TAF4: variants seen among roughly 807,000 people sequenced by gnomAD.
The protein encoded by TAF4 is transcription initiation factor TFIID subunit 4.
TAF4 carries 9 observed loss-of-function variants against 90.3 expected under a neutral mutation model. The observed-to-expected ratio is 0.10, with a 90% CI of 0.06 to 0.17. TAF4 has a LOEUF of 0.17. Among genes scored for constraint, TAF4 ranks in the 10% least tolerant of loss-of-function variants. The pLI is 1.00. For missense variants in TAF4, 1,351 were observed against 1,370.7 expected (o/e 0.99, Z 0.23); for synonymous variants, 818 against 638.9 (o/e 1.28, Z -4.23).
chr20:62,003,701 T>G, intron 8 of TAF4, 30 bp downstream of exon 8: 1 of 1,550,580 alleles, frequency 6.4e-7, no homozygotes, highest in Non-Finnish European at 8.7e-7. Flanking sequence ...CCCTTGGTGT[T>G]GAGCGGCCAG....
chr20:61,997,913 C>A (rs1435491052), intron 13 of TAF4, among the ~76,000 whole-genome samples: 2 of 152,116 alleles, frequency 1.3e-5, no homozygotes, highest in East Asian at 3.8e-4. Context: ...GAGACTAATG[C>A]CCCCCGCAAA....
chr20:62,020,281 G>A (rs978850198), intron 1 of TAF4, among the ~76,000 whole-genome samples: 4 of 152,176 alleles, frequency 2.6e-5, no homozygotes, highest in Non-Finnish European at 5.9e-5. Flanking sequence ...TCTGCCGGTG[G>A]GGGGGCTCTT....
intron 11 of TAF4, 125 bp downstream of exon 11, chr20:61,999,999 C>G: frequency 8.5e-7 from 1 of 1,181,406 alleles, no homozygotes; most frequent in Admixed American, 2.0e-5. Flanking sequence ...AAAACACGTT[C>G]GTAAGGAACA....
intron 1 of TAF4, among the ~76,000 whole-genome samples, chr20:62,050,711 G>A (rs1271629781): frequency 6.6e-6 from 1 of 152,122 alleles, no homozygotes; most frequent in East Asian, 1.9e-4. Context: ...TGATAGGACG[G>A]GCATCTAGGC....
chr20:62,010,130 A>C lies in TAF4; in HGVS notation c.1677T>G (p.Ala559=), dbSNP rs765958968. The part of the protein sequence containing the change: ...QLVLGGAAQT[A]SLGTATAVQT... ...GAACAGCCGTCGCCGTCCCAAGTGA[A>C]GCCGTCTGGGCAGCGCCACCCAGAA... Residue 559 remains alanine, a synonymous_variant, in exon 4 of 15, where the codon GCT becomes GCG. Coordinates refer to ENST00000252996, the MANE Select transcript of TAF4 (RefSeq NM_003185.4). This position sits in a 1 kb window ranked among gnomAD's most constrained non-coding sequence, Gnocchi z 4.5. The C allele has an allele frequency of 6.2e-7, 1 of 1,613,928 alleles. No homozygotes were observed. Among genetic ancestry groups the C allele is most frequent in the South Asian group, 1.1e-5 (1 of 91,078 alleles).
intron 14 of TAF4, among the ~76,000 whole-genome samples, chr20:61,989,843 C>T (rs2055619759): frequency 6.6e-6 from 1 of 152,208 alleles, no homozygotes; most frequent in Admixed American, 6.5e-5. Flanking sequence ...AGCTCTGCTT[C>T]CCAGCAGAGG....
chr20:61,994,545 C>T (rs2123115943), intron 14 of TAF4, among the ~76,000 whole-genome samples: 1 of 152,320 alleles, frequency 6.6e-6, no homozygotes, highest in Non-Finnish European at 1.5e-5. Context: ...TGCCATATTG[C>T]CAAAACTCTA....
chr20:62,041,274 T>A (rs2055962337), intron 1 of TAF4, among the ~76,000 whole-genome samples: 1 of 152,218 alleles, frequency 6.6e-6, no homozygotes, highest in African/African-American at 2.4e-5. Flanking sequence ...TTATTGTATA[T>A]AAATTATGTC....
At chr20:61,983,863 G>A (rs1381554005) in intron 14 of TAF4, among the ~76,000 whole-genome samples, 1 of 152,144 alleles carries the variant, frequency 6.6e-6, no homozygotes, top group African/African-American at 2.4e-5. Flanking sequence ...TGAAAAGTAA[G>A]GATCTCAGGG....
chr20:62,000,127 G>A lies in TAF4; in HGVS notation c.2784C>T (p.Tyr928=). Residue 928 remains tyrosine, a synonymous_variant, in exon 11 of 15, where the codon TAC becomes TAT. Transcript: ENST00000252996. ...TCCTCGGCAAACAGCCTGTTACCTT[G>A]TAAGAAAAGTTCTTCTGCTGAGCTG... is the stretch of plus-strand genomic sequence containing the variant. ...SETAQQKNFS[Y]KDDDRYEQAS... is the part of the protein sequence containing the mutation. 6.2e-7 allele frequency: 1 copy of A among 1,614,230 alleles called. No homozygotes were observed. Among genetic ancestry groups the A allele is most frequent in the Non-Finnish European group, 8.5e-7 (1 of 1,180,038 alleles).
intron 1 of TAF4, among the ~76,000 whole-genome samples, chr20:62,042,780 T>C (rs770775969): frequency 2.0e-4 from 30 of 152,216 alleles, no homozygotes; most frequent in Admixed American, 3.9e-4. Flanking sequence ...TGCATCTACT[T>C]ATTAAAACTT....
chr20:62,045,082 C>T (rs2055985574), intron 1 of TAF4, among the ~76,000 whole-genome samples: 1 of 152,202 alleles, frequency 6.6e-6, no homozygotes, highest in Non-Finnish European at 1.5e-5. Flanking sequence ...AAACTCACAA[C>T]GCCGACATGA....
chr20:61,986,289 T>C (rs1333500274), intron 14 of TAF4, among the ~76,000 whole-genome samples: 2 of 77,304 alleles, frequency 2.6e-5, no homozygotes, highest in African/African-American at 5.7e-5. Flanking sequence ...CCATCCCCCA[T>C]CAAAGGAAAC....
At chr20:62,034,867 CT>C (rs569496225) in intron 1 of TAF4, among the ~76,000 whole-genome samples, 1 of 148,834 alleles carries the variant, frequency 6.7e-6, no homozygotes, top group African/African-American at 2.5e-5. Context: ...GTCACCCAGG[CT>C]GGAGTACAGT....
Position 62,064,667 on chromosome 20 carries a change from C to A in TAF4, c.1144G>T (p.Ala382Ser). ...GGGACGGCGGCCGGGCTGGGCAGCGCCCCTTGCATAGTTGGCCCGATGACC... is the reference window on the plus strand; with the variant it reads ...GGGACGGCGGCCGGGCTGGGCAGCGACCCTTGCATAGTTGGCCCGATGACC... ...SMVIGPTMQGALPSPAAVPPP... is the reference protein window; with the variant it reads ...SMVIGPTMQGSLPSPAAVPPP... Residue 382 changes from alanine (A) to serine (S), a missense_variant, in exon 1 of 15, where the codon GCG (alanine) becomes TCG (serine). Coordinates refer to ENST00000252996, the MANE Select transcript of TAF4 (RefSeq NM_003185.4). The A allele has an allele frequency of 7.8e-7, 1 of 1,285,652 alleles. No individual in the cohort carries two copies. Among genetic ancestry groups the A allele is most frequent in the Non-Finnish European group, 9.8e-7 (1 of 1,022,988 alleles). The allele number at this position is 1,285,652 out of a possible 1,614,324, so 79.6% of individuals were successfully genotyped here.
At chr20:62,015,673 C>A (rs968347387) in intron 1 of TAF4, among the ~76,000 whole-genome samples, 3 of 152,184 alleles carry the variant, frequency 2.0e-5, no homozygotes, top group Non-Finnish European at 4.4e-5. Context: ...CCAGCCTCTC[C>A]TTCCTCCCCT....
chr20:62,063,371 G>A (rs933790656), intron 1 of TAF4, among the ~76,000 whole-genome samples: 8 of 152,176 alleles, frequency 5.3e-5, no homozygotes, highest in Admixed American at 2.6e-4. Flanking sequence ...TGCTGCCACC[G>A]CGCTGCTACA....
At position 62,064,896 on chromosome 20, in the gene TAF4, G is replaced by A. The variant is rs1313312188; in HGVS notation, c.915C>T (p.Asn305=). The change falls in exon 1 of 15, where the codon AAC becomes AAT. Residue 305 remains asparagine (N), a synonymous_variant. Coordinates refer to ENST00000252996, the MANE Select transcript of TAF4 (RefSeq NM_003185.4). ...CGGGGGCTGCCCCGGCGCTGCCCCC[G>A]TTCTGGGCGGCGGCGGGGGGCGGCA... The part of the protein sequence containing the change: ...PAVPPPAAAQ[N]GGSAGAAPAP... 4.7e-6 allele frequency: 4 copies of A among 843,120 alleles called. No individual in the cohort carries two copies. In the South Asian group the frequency reaches 2.1e-4, roughly 45 times the overall value. 52.2% of individuals were successfully genotyped at this position (843,120 alleles called of 1,614,324 possible).
At chr20:62,013,531 C>T (rs576527209) in intron 2 of TAF4, among the ~76,000 whole-genome samples, 3 of 152,246 alleles carry the variant, frequency 2.0e-5, no homozygotes, top group South Asian at 4.1e-4. Context: ...TTGAGGACAC[C>T]GTTCTGTGCT....
Sources: allele counts gnomAD v4.1 joint callset (sites outside exome capture counted in the v4.1 genomes callset), GRCh38; gene constraint gnomAD v4.1.1; non-coding constraint Gnocchi (gnomAD v3.1); transcripts MANE v1.5; gene names NCBI Gene and HGNC (gene_info 2026-07-23, HGNC 2026-07-21).